SLC44A2: variants seen among roughly 807,000 people sequenced by gnomAD.
SLC44A2 encodes solute carrier family 44 member 2 (CTL2 blood group).
Under a neutral mutation model 90.8 loss-of-function variants are expected in SLC44A2, and 57 were observed. That is an observed-to-expected ratio of 0.63 (90% CI 0.51 to 0.78). The LOEUF (loss-of-function observed/expected upper bound fraction) is 0.78, where lower values mean the gene tolerates loss of function less well. Ranked by LOEUF, SLC44A2 falls within the 30% of genes least tolerant of loss-of-function variation. The probability of loss-of-function intolerance (pLI) is 0.00; values close to 1 mark genes in which losing one functional copy is unlikely to be tolerated. For synonymous variants in SLC44A2, 355 were observed against 360.7 expected, an observed-to-expected ratio of 0.98 and a Z score of 0.18; for missense variants, 794 against 919.7, an observed-to-expected ratio of 0.86 and a Z score of 1.77.
At chr19:10,628,467 A>C (rs8110055) in intron 4 of SLC44A2, among the ~76,000 whole-genome samples, 125,949 of 152,170 alleles carry the variant, frequency 0.83, 52,506 homozygotes, top group African/African-American at 0.93. Context: ...GTGGGAGGAT[A>C]GCTTGAGCTG....
At chr19:10,628,028 G>T (rs771824207) in intron 4 of SLC44A2, 24 bp downstream of exon 4, 53 of 1,597,326 alleles carry the variant, frequency 3.3e-5, no homozygotes, top group Non-Finnish European at 8.6e-6. Flanking sequence ...TTGCGGCCTG[G>T]TGGGGCTGGG....
Position 10,636,483 on chromosome 19 carries a change from A to G in SLC44A2, c.1394A>G (p.Gln465Arg), listed in dbSNP as rs1337147031. 1.2e-6 allele frequency: 2 copies of G among 1,613,338 alleles called. No individual in the cohort carries two copies. The highest frequency in any genetic ancestry group is 1.7e-6 in the Non-Finnish European group (2 of 1,180,032). Residue 465 changes from glutamine (Q) to arginine (R), a missense_variant, in exon 15 of 22, where the codon CAG becomes CGG. Coordinates refer to ENST00000335757, the MANE Select transcript of SLC44A2 (RefSeq NM_020428.4). ...WLANFVLALGQVTLAGAFASY... is the reference protein window; with the variant it reads ...WLANFVLALGRVTLAGAFASY... ...GCCAACTTCGTGCTGGCGCTGGGCC[A>G]GGTCACGCTGGCCGGGGCCTTTGCC...
chr19:10,623,022 TG>T (rs1490661791), upstream of SLC44A2, among the ~76,000 whole-genome samples: 5 of 152,122 alleles, frequency 3.3e-5, no homozygotes, highest in East Asian at 9.6e-4. Flanking sequence ...GCTTAACTTT[TG>T]GGACTCCTCA....
intron 1 of SLC44A2, among the ~76,000 whole-genome samples, chr19:10,612,603 C>T (rs140071220): frequency 3.9e-5 from 6 of 152,312 alleles, no homozygotes; most frequent in East Asian, 3.9e-4. Context: ...GCTGGCTGTA[C>T]GGGTGAGGCC....
rs2067140632 is a variant in SLC44A2, at chr19:10,643,573, G to A, written c.*188G>A. On this transcript the variant is annotated 3_prime_UTR_variant, in exon 22 of 22. Transcript: ENST00000335757. ...GCATCTCCTTCTTATGCCAAGGGGC[G>A]CTTGGAGTTTTCATGGCTGCCCCTC... 7.9e-6 allele frequency: 5 copies of A among 636,080 alleles called. No homozygotes were observed. The highest frequency in any genetic ancestry group is 6.8e-5 in the Admixed American group (2 of 29,556). 39.4% of individuals were successfully genotyped at this position (636,080 alleles called of 1,614,324 possible). A position where few individuals can be genotyped will look rare whatever the true frequency, so the allele number is the denominator to read the frequency against.
Position 10,638,102 on chromosome 19 carries a change from C to T in SLC44A2, c.1840+9C>T, listed in dbSNP as rs764988196. The T allele has an allele frequency of 1.1e-5, 18 of 1,613,808 alleles. No homozygotes were observed. Among genetic ancestry groups the T allele is most frequent in the East Asian group, 2.2e-5 (1 of 44,896 alleles). ...GATCGTTGGTAGTGTGGGTGAGTGC[C>T]GCCCACCTAGCCTCTCGGGGTGTGG... On this transcript the variant is annotated intron_variant, in intron 19 of 21. Coordinates refer to ENST00000335757, the MANE Select transcript of SLC44A2 (RefSeq NM_020428.4).
At chr19:10,640,594 G>A (rs2067105144) in intron 20 of SLC44A2, among the ~76,000 whole-genome samples, 1 of 152,108 alleles carries the variant, frequency 6.6e-6, no homozygotes, top group Non-Finnish European at 1.5e-5. Context: ...GCCCAGCCAG[G>A]TCCACTGACT....
intron 7 of SLC44A2, 29 bp downstream of exon 7, chr19:10,631,564 G>A (rs997580548): frequency 1.9e-6 from 3 of 1,613,924 alleles, no homozygotes; most frequent in Non-Finnish European, 2.5e-6. Flanking sequence ...GGAGGCTCAG[G>A]TGGTGACGGG....
chr19:10,643,435 A>C lies in SLC44A2; in HGVS notation c.*50A>C, dbSNP rs758867691. ...AGGAGTCTCATGCCGCAGGGTGCTC[A>C]GTAGCTGGGTCTGTTCCCCCAGCCC... On this transcript the variant is annotated 3_prime_UTR_variant, in exon 22 of 22. Coordinates refer to ENST00000335757, the MANE Select transcript of SLC44A2 (RefSeq NM_020428.4). 1.3e-5 allele frequency: 21 copies of C among 1,568,276 alleles called. No homozygotes were observed. Among genetic ancestry groups the C allele is most frequent in the Non-Finnish European group, 1.7e-5 (20 of 1,154,904 alleles).
Position 10,628,923 on chromosome 19 carries a change from T to C in SLC44A2, c.245+919T>C, listed in dbSNP as rs377380574. Among the ~76,000 whole-genome samples the C allele has an allele frequency of 5.3e-5, 8 of 151,914 alleles. No individual in the cohort carries two copies. In the East Asian group the frequency reaches 1.6e-3, roughly 30 times the overall value. On this transcript the variant is annotated intron_variant, in intron 4 of 21. Coordinates refer to ENST00000335757, the MANE Select transcript of SLC44A2 (RefSeq NM_020428.4). The stretch of plus-strand genomic sequence containing the variant: ...GCCAATACATGTACAGAGCTTAGAA[T>C]GCCACCTGGCATCGCTGGGCGTGGT...
intron 20 of SLC44A2, 146 bp downstream of exon 20, chr19:10,638,461 G>T: frequency 1.3e-6 from 1 of 799,546 alleles, no homozygotes; most frequent in South Asian, 1.6e-5. Flanking sequence ...GTTTGTTTTT[G>T]AATCAAGAGT....
chr19:10,643,254 C>T (rs2067137595), intron 21 of SLC44A2, 25 bp from the exon 22 acceptor site: 1 of 1,600,144 alleles, frequency 6.2e-7, no homozygotes, highest in East Asian at 2.3e-5. Context: ...CCTCATGCCT[C>T]CTGCTCTGGG....
chr19:10,634,931 A>T (rs1446013231), intron 11 of SLC44A2, 43 bp from the exon 12 acceptor site: 1 of 1,614,098 alleles, frequency 6.2e-7, no homozygotes, highest in Admixed American at 1.7e-5. Flanking sequence ...GAGGCCTTGG[A>T]GGGAGTGGGG....
At chr19:10,615,039 GTT>G (rs909040686) in intron 1 of SLC44A2, among the ~76,000 whole-genome samples, 2 of 137,696 alleles carry the variant, frequency 1.5e-5, no homozygotes, top group African/African-American at 2.6e-5. Flanking sequence ...AAGTAATTGC[GTT>G]TTTTTTTTTT....
In SLC44A2 at chr19:10,641,889, G is replaced by C. The variant is rs527359464; in HGVS notation, c.1930-478G>C. ...AAAAAAAAAAGGCCGGGTGTGCGGT[G>C]GCTCACGCCTGTAATCCCAGCACTT... On this transcript the variant is annotated intron_variant, in intron 20 of 21. Coordinates refer to ENST00000335757, the MANE Select transcript of SLC44A2 (RefSeq NM_020428.4). 6.6e-5 allele frequency among the ~76,000 whole-genome samples: 10 copies of C among 152,130 alleles called. 1 individual carries two copies. The South Asian group carries it at 2.1e-3, about 32-fold the overall frequency.
In SLC44A2 at chr19:10,631,965, G is replaced by A. The variant is rs1457072710; in HGVS notation, c.710+14G>A. 6.2e-7 allele frequency: 1 copy of A among 1,613,912 alleles called. No homozygotes were observed. The highest frequency in any genetic ancestry group is 1.3e-5 in the African/African-American group (1 of 74,948). ...CTGGATTATCATGTAAGTCAGGAGG[G>A]AAGGGGCCTCTCCCCTGGCTGCCCC... On this transcript the variant is annotated intron_variant, in intron 9 of 21. Coordinates refer to ENST00000335757, the MANE Select transcript of SLC44A2 (RefSeq NM_020428.4).
intron 1 of SLC44A2, among the ~76,000 whole-genome samples, chr19:10,606,911 A>T (rs12977297): frequency 0.2 from 26,602 of 132,854 alleles, 3,602 homozygotes; most frequent in Non-Finnish European, 0.31. Context: ...ACTTACGGCT[A>T]TTTTTTTTTT....
intron 20 of SLC44A2, among the ~76,000 whole-genome samples, chr19:10,640,150 G>C (rs1174076588): frequency 2.8e-5 from 4 of 143,230 alleles, no homozygotes; most frequent in African/African-American, 1.1e-4. Context: ...GAGTGCGATG[G>C]AGTGATCTCT....
intron 15 of SLC44A2, 28 bp downstream of exon 15, chr19:10,636,613 G>A (rs1402938962): frequency 1.9e-6 from 3 of 1,606,172 alleles, no homozygotes; most frequent in Non-Finnish European, 2.5e-6. Flanking sequence ...GCAGGATGGG[G>A]TGGAGGACGA....
Sources: allele counts gnomAD v4.1 joint callset (sites outside exome capture counted in the v4.1 genomes callset), GRCh38; gene constraint gnomAD v4.1.1; transcripts MANE v1.5; gene names NCBI Gene and HGNC (gene_info 2026-07-23, HGNC 2026-07-21).